ALG13: variants seen among roughly 807,000 people sequenced by gnomAD.
The protein encoded by ALG13 is UDP-N-acetylglucosamine transferase subunit ALG13.
In ALG13, 11 loss-of-function variants were observed where a neutral mutation model predicts 87.8. The observed-to-expected ratio is 0.13, with a 90% confidence interval of 0.08 to 0.21. The LOEUF is 0.21. ALG13 is among the 10% of genes least tolerant of loss of function. The pLI is 1.00. For missense variants in ALG13, 756 were observed against 866.1 expected (o/e 0.87, Z 1.60); for synonymous variants, 320 against 306.3 (o/e 1.04, Z -0.47).
At chrX:111,689,334 T>G in intron 3 of ALG13, 1 of 753,185 alleles carries the variant, frequency 1.3e-6, no homozygotes, top group Non-Finnish European at 1.6e-6. Flanking sequence ...GTTTTTCTCA[T>G]TTGAGAAAAT....
At chrX:111,689,016 C>T in intron 3 of ALG13, 1 of 733,302 alleles carries the variant, frequency 1.4e-6, no homozygotes, top group Non-Finnish European at 1.6e-6. Flanking sequence ...GCTAAATGTT[C>T]CAAACATTTT....
intron 21 of ALG13, among the ~76,000 whole-genome samples, chrX:111,732,066 A>G (rs950748237): frequency 8.9e-6 from 1 of 111,842 alleles, no homozygotes; most frequent in Non-Finnish European, 1.9e-5. Context: ...GGGTTGAAAC[A>G]GTTGTTCCTT....
chrX:111,693,324 C>T (rs1049787459), intron 3 of ALG13, among the ~76,000 whole-genome samples: 12 of 107,315 alleles, frequency 1.1e-4, no homozygotes, highest in African/African-American at 2.7e-4. Context: ...GCATTATCTC[C>T]GCTCACTGCA....
At chrX:111,725,239 C>G (rs1043732221) in intron 15 of ALG13, among the ~76,000 whole-genome samples, 178 bp downstream of exon 15, 1 of 111,796 alleles carries the variant, frequency 8.9e-6, no homozygotes, top group Non-Finnish European at 1.9e-5. Flanking sequence ...TTGTCCTGTG[C>G]ATTGTAGGGT....
chrX:111,687,960 T>C (rs762050093), intron 3 of ALG13: 2 of 1,171,647 alleles, frequency 1.7e-6, no homozygotes, highest in Non-Finnish European at 2.3e-6. Context: ...GCCAGAAAAA[T>C]TTTCTGCATT....
chrX:111,699,583 C>A (rs757667039), intron 3 of ALG13, among the ~76,000 whole-genome samples: 1 of 111,638 alleles, frequency 9.0e-6, no homozygotes, highest in Non-Finnish European at 1.9e-5. Context: ...GGTAAGGATC[C>A]AACTTCATTC....
intron 7 of ALG13, among the ~76,000 whole-genome samples, 197 bp from the exon 8 acceptor site, chrX:111,713,028 G>A (rs1940048641): frequency 1.8e-5 from 2 of 111,193 alleles, no homozygotes; most frequent in Admixed American, 1.9e-4. Flanking sequence ...AGGACTTTAG[G>A]GGCAATTAGC....
Position 111,720,015 on chromosome X carries a change from G to A in ALG13, c.1251-80G>A. 1.5e-5 allele frequency: 9 copies of A among 600,478 alleles called. No individual in the cohort carries two copies. In the South Asian group the frequency reaches 2.7e-4, roughly 18 times the overall value. 49.5% of individuals were successfully genotyped at this position (600,478 alleles called of 1,213,427 possible). ...TAGAACTGAGTTAATTTACCACTAG[G>A]TGGTGGTGTAGTCATTAGGCTTAAC... On this transcript the variant is annotated intron_variant, in intron 10 of 26. Coordinates refer to ENST00000394780, the MANE Select transcript of ALG13 (RefSeq NM_001099922.3).
In ALG13 at chrX:111,681,824, C is replaced by G. The variant is rs937060282; in HGVS notation, c.82-308C>G. ...AGGGCTCCCGGTTCTCGCAGTTGATCAAGTGAGGCAGAACGGGTAGTGCCT... is the reference window on the plus strand; with the variant it reads ...AGGGCTCCCGGTTCTCGCAGTTGATGAAGTGAGGCAGAACGGGTAGTGCCT... On this transcript the variant is annotated intron_variant, in intron 1 of 26. Coordinates refer to ENST00000394780, the MANE Select transcript of ALG13 (RefSeq NM_001099922.3). 5 of 861,470 alleles carry G rather than the reference C, an allele frequency of 5.8e-6. No individual in the cohort carries two copies. The African/African-American group carries it at 1.1e-4, about 18-fold the overall frequency. 71.0% of individuals were successfully genotyped at this position (861,470 alleles called of 1,213,427 possible). A position where few individuals can be genotyped will look rare whatever the true frequency, so the allele number is the denominator to read the frequency against.
rs112407905 is a variant in ALG13, at chrX:111,734,160, C to T, written c.2458-891C>T. On this transcript the variant is annotated intron_variant, in intron 21 of 26. Transcript: ENST00000394780. ...TTTTTGCTGTGCAGAAGCTTTTTTG[C>T]TTAATTAAGTCCCATCTATTTATCT... Among the ~76,000 whole-genome samples the T allele has an allele frequency of 9.0e-3, 1,008 of 112,251 alleles. 17 individuals are homozygous for T. The highest frequency in any genetic ancestry group is 0.03 in the African/African-American group (930 of 30,980).
intron 2 of ALG13, among the ~76,000 whole-genome samples, chrX:111,683,667 A>C (rs1240158929): frequency 9.0e-6 from 1 of 110,940 alleles, no homozygotes; most frequent in African/African-American, 3.3e-5. Flanking sequence ...TAACCACCCT[A>C]GCATAAGATA....
chrX:111,712,272 A>C (rs1939898114), intron 6 of ALG13, among the ~76,000 whole-genome samples: 1 of 111,272 alleles, frequency 9.0e-6, no homozygotes, highest in Non-Finnish European at 1.9e-5. Flanking sequence ...TTATTACTTA[A>C]TGGCTAAGTA....
At chrX:111,737,383 G>A (rs972820283) in intron 23 of ALG13, among the ~76,000 whole-genome samples, 7 of 111,880 alleles carry the variant, frequency 6.3e-5, no homozygotes, top group South Asian at 3.7e-4. Context: ...TGGCTTGGGG[G>A]CACTGATAGT....
chrX:111,729,157 CCTCTG>C (rs752550140), intron 19 of ALG13, among the ~76,000 whole-genome samples: 1 of 111,432 alleles, frequency 9.0e-6, no homozygotes, highest in East Asian at 2.8e-4. Context: ...TATGGATTTG[CCTCTG>C]CTGGACATTT....
intron 25 of ALG13, among the ~76,000 whole-genome samples, chrX:111,755,663 CAG>C (rs779601341): frequency 8.0e-5 from 9 of 112,312 alleles, no homozygotes; most frequent in Non-Finnish European, 1.5e-4. Context: ...GGCCAACAAA[CAG>C]GAAGAACTCA....
chrX:111,752,775 G>T lies in ALG13; in HGVS notation c.2933-15G>T, dbSNP rs372767806. The stretch of plus-strand genomic sequence containing the variant: ...TGTCAGTCAAGTCACTAATTTTTTT[G>T]ATTTTTAATTTTAGATACAAAAGTT... On this transcript the variant is annotated splice_polypyrimidine_tract_variant and intron_variant, in intron 24 of 26. Coordinates refer to ENST00000394780, the MANE Select transcript of ALG13 (RefSeq NM_001099922.3). The T allele has an allele frequency of 1.9e-5, 22 of 1,143,973 alleles. No homozygotes were observed. The highest frequency in any genetic ancestry group is 1.8e-4 in the East Asian group (6 of 32,898). The allele number at this position is 1,143,973 out of a possible 1,213,427, so 94.3% of individuals were successfully genotyped here. A position where few individuals can be genotyped will look rare whatever the true frequency, so the allele number is the denominator to read the frequency against.
intron 5 of ALG13, among the ~76,000 whole-genome samples, chrX:111,710,303 G>A (rs1939528147): frequency 9.0e-6 from 1 of 111,366 alleles, no homozygotes; most frequent in Non-Finnish European, 1.9e-5. Flanking sequence ...AAAGTGCTGG[G>A]ACTACAAGTG....
At chrX:111,722,645 A>G in intron 12 of ALG13, 148 bp from the exon 13 acceptor site, 1 of 427,413 alleles carries the variant, frequency 2.3e-6, no homozygotes, top group Non-Finnish European at 4.1e-6. Context: ...ATCCAGAATG[A>G]TAGAATCGCC....
At position 111,750,911 on chromosome X, in the gene ALG13, C is replaced by T. The variant is rs765983790; in HGVS notation, c.2933-1879C>T. The stretch of plus-strand genomic sequence containing the variant: ...CTCGAACTCCTGACCTCAAGTGGTT[C>T]GCCTGCCTTGGCCTCCCAGAGTGCT... On this transcript the variant is annotated intron_variant, in intron 24 of 26. Coordinates refer to ENST00000394780, the MANE Select transcript of ALG13 (RefSeq NM_001099922.3). Among the ~76,000 whole-genome samples the T allele has an allele frequency of 3.6e-5, 4 of 109,719 alleles. No homozygotes were observed. The South Asian group carries it at 1.2e-3, about 32-fold the overall frequency.
Sources: gnomAD v4.1 joint callset for allele counts (sites outside exome capture counted in the v4.1 genomes callset) on GRCh38, gnomAD v4.1.1 for gene constraint, MANE v1.5 for transcripts, NCBI Gene and HGNC (gene_info 2026-07-23, HGNC 2026-07-21) for gene names.